ACAP1: variants seen among roughly 807,000 people sequenced by gnomAD.
ACAP1 encodes the protein ArfGAP with coiled-coil, ankyrin repeat and PH domains 1.
Under a neutral mutation model 98.8 loss-of-function variants are expected in ACAP1, and 45 were observed. The observed-to-expected ratio is 0.46, with a 90% CI of 0.36 to 0.58. ACAP1 has a LOEUF of 0.58. ACAP1 is among the 20% of genes least tolerant of loss of function. The pLI is 0.00. For missense variants in ACAP1, 735 were observed against 971.4 expected, an observed-to-expected ratio of 0.76 and a Z score of 3.24; for synonymous variants, 362 against 375.3, an observed-to-expected ratio of 0.96 and a Z score of 0.41.
chr17:7,349,827 C>T (rs1285934147), intron 18 of ACAP1, 118 bp from the exon 19 acceptor site: 8 of 810,914 alleles, frequency 9.9e-6, no homozygotes, highest in Non-Finnish European at 1.4e-5. Context: ...ACCCCTTCCA[C>T]ACTCCTGATT....
rs1459157700 is a variant in ACAP1 at position 7,350,954 on chromosome 17, C to T, written c.2077C>T (p.Arg693Ter). ...TANADIVTLL[R>*]LAKMREAEAA... ...TCTTAATTCCCTCCTCTTCAGGCTA[C>T]GACTGGCAAAGATGAGGGAGGCTGA... Residue 693 changes from arginine (R) to a stop codon, truncating the protein, a stop_gained, in exon 21 of 22, where the codon CGA becomes TGA. Transcript: ENST00000158762. LOFTEE classifies it high-confidence loss of function. This position sits in a 1 kb window ranked among gnomAD's most constrained non-coding sequence, Gnocchi z 4.6. The T allele has an allele frequency of 1.2e-6, 2 of 1,613,792 alleles. No homozygotes were observed. The highest frequency in any genetic ancestry group is 8.5e-7 in the Non-Finnish European group (1 of 1,179,830).
In ACAP1 at chr17:7,350,151, G is replaced by A. The variant is rs1488628246; in HGVS notation, c.1986G>A (p.Arg662=). Residue 662 remains arginine (R), a synonymous_variant, in exon 20 of 22, where the codon CGG becomes CGA. Transcript: ENST00000158762. This position sits in a 1 kb window ranked among gnomAD's most constrained non-coding sequence, Gnocchi z 4.6. Reference sequence around the variant, plus strand: ...GGCTCGCCTGCCTGTTCCTGAAACGGGGAGCTGATCTGGGGGCTCGAGACT... The same window carrying A: ...GGCTCGCCTGCCTGTTCCTGAAACGAGGAGCTGATCTGGGGGCTCGAGACT... The part of the protein sequence containing the change: ...HTGLACLFLK[R]GADLGARDSE... 1.9e-6 allele frequency: 3 copies of A among 1,614,222 alleles called. No individual in the cohort carries two copies.
chr17:7,341,887 G>A (rs959853626), intron 2 of ACAP1, 61 bp from the exon 3 acceptor site: 86 of 1,602,714 alleles, frequency 5.4e-5, no homozygotes, highest in Non-Finnish European at 6.6e-5. Flanking sequence ...GGGCAGGTGT[G>A]GGGGCATCAC....
chr17:7,339,535 A>G (rs548130780), intron 2 of ACAP1, among the ~76,000 whole-genome samples: 135 of 151,758 alleles, frequency 8.9e-4, no homozygotes, highest in Non-Finnish European at 1.7e-3. Context: ...GCTTGAACCC[A>G]GGAGGCGGAG....
chr17:7,341,410 T>G (rs1226456044), intron 2 of ACAP1, among the ~76,000 whole-genome samples: 2 of 152,134 alleles, frequency 1.3e-5, no homozygotes, highest in African/African-American at 2.4e-5. Flanking sequence ...CCTGGCTAAT[T>G]TTTGAATTTT....
rs373510804 is a variant in ACAP1, at chr17:7,344,009, G to T, written c.670-40G>T. The T allele has an allele frequency of 5.1e-6, 8 of 1,575,984 alleles. No homozygotes were observed. In the African/African-American group the frequency reaches 1.1e-4, roughly 21 times the overall value. On this transcript the variant is annotated intron_variant, in intron 8 of 21. Coordinates refer to ENST00000158762, the MANE Select transcript of ACAP1 (RefSeq NM_014716.4). This position sits in a 1 kb window ranked among gnomAD's most constrained non-coding sequence, Gnocchi z 4.9. ...AGAGGGAGGTTAGGGACTCCTAACT[G>T]GGGGGCCTTGGACATCTGAGATGCC...
Position 7,344,763 on chromosome 17 carries a change from T to G in ACAP1, c.854+115T>G. The G allele has an allele frequency of 1.4e-6, 1 of 707,280 alleles. No homozygotes were observed. The highest frequency in any genetic ancestry group is 2.4e-6 in the Non-Finnish European group (1 of 412,246). The allele number at this position is 707,280 out of a possible 1,614,324, so 43.8% of individuals were successfully genotyped here. Reference sequence around the variant, plus strand: ...GACGAACCCCCCTGCCTCAGTAGAGTTTCATTCCATCAGCAAAGACAGAGG... The same window carrying G: ...GACGAACCCCCCTGCCTCAGTAGAGGTTCATTCCATCAGCAAAGACAGAGG... On this transcript the variant is annotated intron_variant, in intron 10 of 21. Coordinates refer to ENST00000158762, the MANE Select transcript of ACAP1 (RefSeq NM_014716.4). This position sits in a 1 kb window ranked among gnomAD's most constrained non-coding sequence, Gnocchi z 4.9.
intron 1 of ACAP1, 93 bp downstream of exon 1, chr17:7,336,880 G>T: frequency 7.0e-7 from 1 of 1,426,680 alleles, no homozygotes; most frequent in South Asian, 1.2e-5. Context: ...TCCTTCCAGG[G>T]AGCAGGCCTC....
At chr17:7,346,176 A>C in intron 10 of ACAP1, 68 bp from the exon 11 acceptor site, 1 of 1,496,730 alleles carries the variant, frequency 6.7e-7, no homozygotes, top group Non-Finnish European at 9.3e-7. Flanking sequence ...ATGGGCAAAA[A>C]GCACAGCCTC....
chr17:7,350,424 G>T lies in ACAP1; in HGVS notation c.2072+187G>T. On this transcript the variant is annotated intron_variant, in intron 20 of 21. Coordinates refer to ENST00000158762, the MANE Select transcript of ACAP1 (RefSeq NM_014716.4). This position sits in a 1 kb window ranked among gnomAD's most constrained non-coding sequence, Gnocchi z 4.6. Reference sequence around the variant, plus strand: ...CGCGAAGTGTGCACTGGGACGTGGAGTAGAAGGCAGGCGGGAGGGCGGGCA... The same window carrying T: ...CGCGAAGTGTGCACTGGGACGTGGATTAGAAGGCAGGCGGGAGGGCGGGCA... The T allele has an allele frequency of 4.1e-6, 2 of 493,056 alleles. No individual in the cohort carries two copies. Among genetic ancestry groups the T allele is most frequent in the Non-Finnish European group, 7.4e-6 (2 of 272,016 alleles). 30.5% of individuals were successfully genotyped at this position (493,056 alleles called of 1,614,324 possible).
At position 7,343,103 on chromosome 17, in the gene ACAP1, C is replaced by CA. The variant is rs987197685; in HGVS notation, c.345-271dup. The CA allele has an allele frequency of 2.7e-6, 1 of 373,648 alleles. No individual in the cohort carries two copies. The highest frequency in any genetic ancestry group is 4.8e-6 in the Non-Finnish European group (1 of 207,746). 23.1% of individuals were successfully genotyped at this position (373,648 alleles called of 1,614,324 possible). A position where few individuals can be genotyped will look rare whatever the true frequency, so the allele number is the denominator to read the frequency against. On this transcript the variant is annotated intron_variant, in intron 5 of 21. Transcript: ENST00000158762. This position sits in a 1 kb window ranked among gnomAD's most constrained non-coding sequence, Gnocchi z 4.9. ...TCAAAAACAAAAACAACAACAACAA[C>CA]AAAAATTTTTTAAAGGGGGAGTGAG...
chr17:7,342,937 C>T lies in ACAP1; in HGVS notation c.345-442C>T, dbSNP rs1054156197. ...AAAAAAAAAAAAAAAAAAAAATAGC[C>T]GGGCGTGGTGGCACATGTCTGTTGT... On this transcript the variant is annotated intron_variant, in intron 5 of 21. Transcript: ENST00000158762. 19 of 208,930 alleles carry T rather than the reference C, an allele frequency of 9.1e-5. No individual in the cohort carries two copies. In the South Asian group the frequency reaches 1.2e-3, roughly 13 times the overall value. 12.9% of individuals were successfully genotyped at this position (208,930 alleles called of 1,614,324 possible). A position where few individuals can be genotyped will look rare whatever the true frequency, so the allele number is the denominator to read the frequency against.
chr17:7,348,661 G>A (rs966609096), intron 17 of ACAP1, 186 bp downstream of exon 17: 10 of 692,442 alleles, frequency 1.4e-5, no homozygotes, highest in Admixed American at 3.4e-5. Flanking sequence ...GGGGCTGGGC[G>A]TGGGCAGGGA....
chr17:7,337,290 C>T (rs765670380), intron 1 of ACAP1, 22 bp from the exon 2 acceptor site: 8 of 1,613,452 alleles, frequency 5.0e-6, no homozygotes, highest in Non-Finnish European at 5.9e-6. Flanking sequence ...AAGCTCTCTT[C>T]CCATGACCCC....
chr17:7,341,372 G>A (rs984421443), intron 2 of ACAP1, among the ~76,000 whole-genome samples: 3 of 152,180 alleles, frequency 2.0e-5, no homozygotes, highest in African/African-American at 4.8e-5. Flanking sequence ...CTCCCAAGTA[G>A]CTGGGATTAC....
At position 7,342,462 on chromosome 17, in the gene ACAP1, C is replaced by T; in HGVS notation, c.332C>T (p.Thr111Ile). ...CACACACTGCAGCAGCAGATCCAGA[C>T]CCTGGTCAAGGAGTGAGATGGGGCC... ...TQHTLQQQIQTLVKEGLRGFR... is the reference protein window; with the variant it reads ...TQHTLQQQIQILVKEGLRGFR... Residue 111 changes from threonine (T) to isoleucine (I), a missense_variant, in exon 5 of 22, where the codon ACC (threonine) becomes ATC (isoleucine). Thr to Ile is a moderately conservative substitution (Grantham distance 89). Around this residue, in one of 5 missense-constraint regions of ACAP1, gnomAD observed 430 missense variants for 531.8 expected, o/e 0.81. Coordinates refer to ENST00000158762, the MANE Select transcript of ACAP1 (RefSeq NM_014716.4). 6.2e-7 allele frequency: 1 copy of T among 1,614,144 alleles called. No homozygotes were observed. Among genetic ancestry groups the T allele is most frequent in the East Asian group, 2.2e-5 (1 of 44,872 alleles).
At chr17:7,339,039 C>T (rs906770785) in intron 2 of ACAP1, among the ~76,000 whole-genome samples, 2 of 151,846 alleles carry the variant, frequency 1.3e-5, no homozygotes, top group African/African-American at 4.8e-5. Context: ...GCCTGTAATC[C>T]CAGCACTTTG....
In ACAP1 at chr17:7,343,607, G is replaced by A. The variant is rs372224662; in HGVS notation, c.528+45G>A. ...TTCCTGGGGTACCAGAGCCTCAAGT[G>A]TCACCTCGAGGCTTGGGGGTCTCCA... On this transcript the variant is annotated intron_variant, in intron 6 of 21. Transcript: ENST00000158762. This position sits in a 1 kb window ranked among gnomAD's most constrained non-coding sequence, Gnocchi z 4.9. The A allele has an allele frequency of 1.6e-5, 25 of 1,597,730 alleles. No individual in the cohort carries two copies. In the South Asian group the frequency reaches 2.4e-4, roughly 15 times the overall value.
chr17:7,338,347 A>G (rs368979227), intron 2 of ACAP1, among the ~76,000 whole-genome samples: 20 of 152,098 alleles, frequency 1.3e-4, no homozygotes, highest in African/African-American at 4.6e-4. Context: ...TCCACCTCCC[A>G]GGTTCAAGTG....
Sources: allele counts gnomAD v4.1 joint callset (sites outside exome capture counted in the v4.1 genomes callset), GRCh38; gene constraint gnomAD v4.1.1; regional missense constraint gnomAD v4.1.1; non-coding constraint Gnocchi (gnomAD v3.1); transcripts MANE v1.5; gene names NCBI Gene and HGNC (gene_info 2026-07-23, HGNC 2026-07-21).